The following MANBA variants were observed in gnomAD, a reference collection of about 807,000 sequenced individuals.
The protein encoded by MANBA is mannosidase beta, also known as beta-mannosidase.
A neutral mutation model predicts 111.1 loss-of-function variants in MANBA; 83 were observed. The ratio of observed to expected loss-of-function variants is 0.75; its 90% CI spans 0.63 to 0.90. The LOEUF is 0.90. Among genes scored for constraint, MANBA ranks in the 40% least tolerant of loss-of-function variants. The pLI is 0.00. For synonymous variants in MANBA, 370 were observed against 378.7 expected, an observed-to-expected ratio of 0.98 and a Z score of 0.27; for missense variants, 1,036 against 1,069.0, an observed-to-expected ratio of 0.97 and a Z score of 0.43.
At chr4:102,642,620 G>C (rs979802343) in intron 13 of MANBA, among the ~76,000 whole-genome samples, 3 of 151,828 alleles carry the variant, frequency 2.0e-5, no homozygotes, top group African/African-American at 7.3e-5. Context: ...AAGAAGAAAA[G>C]AAAAAAATGC....
At chr4:102,714,667 C>G (rs1014704010) in intron 4 of MANBA, 106 bp from the exon 5 acceptor site, 18 of 1,081,720 alleles carry the variant, frequency 1.7e-5, no homozygotes, top group Admixed American at 4.3e-5. Context: ...TATAAGTTTG[C>G]TATGGCAGCC....
intron 7 of MANBA, among the ~76,000 whole-genome samples, chr4:102,685,293 G>A (rs534994375): frequency 6.6e-6 from 1 of 152,066 alleles, no homozygotes; most frequent in African/African-American, 2.4e-5. Context: ...TTCTGTATGT[G>A]TCATATTTCA....
intron 1 of MANBA, among the ~76,000 whole-genome samples, chr4:102,737,435 C>G (rs968333982): frequency 6.6e-6 from 1 of 151,638 alleles, no homozygotes; most frequent in Non-Finnish European, 1.5e-5. Flanking sequence ...GTGAGACTGG[C>G]CTTGCTGGCT....
At chr4:102,739,388 G>A (rs1024228637) in intron 1 of MANBA, among the ~76,000 whole-genome samples, 8 of 152,136 alleles carry the variant, frequency 5.3e-5, no homozygotes, top group Admixed American at 1.3e-4. Flanking sequence ...AAGAAAGATT[G>A]GTACCAATCC....
chr4:102,759,392 A>C (rs1286889808), intron 1 of MANBA, among the ~76,000 whole-genome samples: 1 of 152,174 alleles, frequency 6.6e-6, no homozygotes, highest in Middle Eastern at 3.2e-3. Flanking sequence ...GCATTCTCAA[A>C]GCAGATATAA....
chr4:102,676,838 G>A (rs1731749236), intron 7 of MANBA, among the ~76,000 whole-genome samples: 1 of 152,122 alleles, frequency 6.6e-6, no homozygotes, highest in African/African-American at 2.4e-5. Context: ...AACACTGCTG[G>A]TGCCTTAGCA....
chr4:102,728,429 T>G (rs1390891174), intron 1 of MANBA: 6 of 469,104 alleles, frequency 1.3e-5, no homozygotes, highest in South Asian at 3.2e-5. Flanking sequence ...CATGAGTTTT[T>G]GGATGCAGAT....
chr4:102,695,079 G>C (rs1375562745), intron 5 of MANBA, among the ~76,000 whole-genome samples: 2 of 152,112 alleles, frequency 1.3e-5, no homozygotes, highest in African/African-American at 2.4e-5. Flanking sequence ...TTTGTAGAAA[G>C]GTAAACAGCT....
intron 1 of MANBA, among the ~76,000 whole-genome samples, chr4:102,754,297 CTAT>C (rs948520027): frequency 5.9e-5 from 9 of 151,912 alleles, no homozygotes; most frequent in Admixed American, 1.3e-4. Context: ...TATGAATCAG[CTAT>C]TTAACTTTTA....
At chr4:102,657,223 G>GGA (rs1560752314) in intron 12 of MANBA, among the ~76,000 whole-genome samples, 17 of 40,394 alleles carry the variant, frequency 4.2e-4, no homozygotes, top group Non-Finnish European at 8.0e-4. Flanking sequence ...GGAGTGGGGT[G>GGA]GGGGGGGGGT....
At chr4:102,697,649 T>C (rs1306207463) in intron 5 of MANBA, among the ~76,000 whole-genome samples, 2 of 149,634 alleles carry the variant, frequency 1.3e-5, no homozygotes, top group African/African-American at 4.9e-5. Flanking sequence ...AGAATGATGA[T>C]TTCCAATTTC....
At chr4:102,699,317 A>G (rs1278959354) in intron 5 of MANBA, among the ~76,000 whole-genome samples, 1 of 150,770 alleles carries the variant, frequency 6.6e-6, no homozygotes, top group African/African-American at 2.5e-5. Context: ...GGACAATTTG[A>G]CTTCCTCTTT....
chr4:102,642,593 C>CA (rs1553942483), intron 13 of MANBA, among the ~76,000 whole-genome samples: 1 of 151,976 alleles, frequency 6.6e-6, no homozygotes, highest in African/African-American at 2.4e-5. Flanking sequence ...GACAACAGAG[C>CA]GAGACTCTGT....
chr4:102,705,202 C>T (rs1026337633), intron 5 of MANBA, among the ~76,000 whole-genome samples: 9 of 152,186 alleles, frequency 5.9e-5, no homozygotes, highest in Non-Finnish European at 1.3e-4. Context: ...CAGTGGTCTA[C>T]ATTCCCATTA....
chr4:102,700,849 G>C (rs1169668375), intron 5 of MANBA, among the ~76,000 whole-genome samples: 1 of 152,224 alleles, frequency 6.6e-6, no homozygotes, highest in Non-Finnish European at 1.5e-5. Context: ...ATATAGGGTA[G>C]AGAGTTCTGT....
Position 102,677,196 on chromosome 4 carries a change from A to T in MANBA, c.961-3126T>A, listed in dbSNP as rs538711506. ...AAACGATGGTTATTCAGACTTGGAT[A>T]CCTGGCAGACATTCTCTAGAAAATG... is the stretch of plus-strand genomic sequence containing the variant. On this transcript the variant is annotated intron_variant, in intron 7 of 16. Coordinates refer to ENST00000647097, the MANE Select transcript of MANBA (RefSeq NM_005908.4). Among the ~76,000 whole-genome samples, 5 of 152,320 alleles carry T rather than the reference A, an allele frequency of 3.3e-5. No homozygotes were observed. The South Asian group carries it at 8.3e-4, about 25-fold the overall frequency.
chr4:102,713,836 C>T (rs1166654881), intron 5 of MANBA, among the ~76,000 whole-genome samples: 4 of 142,764 alleles, frequency 2.8e-5, no homozygotes, highest in Non-Finnish European at 6.0e-5. Context: ...GCAGAGGCTG[C>T]AGTGAGCCAA....
intron 8 of MANBA, 69 bp from the exon 9 acceptor site, chr4:102,671,467 T>C: frequency 1.1e-6 from 1 of 898,740 alleles, no homozygotes; most frequent in Admixed American, 1.9e-5. Flanking sequence ...GATAAACACA[T>C]TTCTAATCTG....
chr4:102,754,419 CA>C (rs1213196467), intron 1 of MANBA, among the ~76,000 whole-genome samples: 2 of 151,998 alleles, frequency 1.3e-5, no homozygotes, highest in African/African-American at 2.4e-5. Flanking sequence ...CAATAAGTAA[CA>C]GATTATAACT....
Sources: allele counts gnomAD v4.1 joint callset (sites outside exome capture counted in the v4.1 genomes callset), GRCh38; gene constraint gnomAD v4.1.1; transcripts MANE v1.5; gene names NCBI Gene and HGNC (gene_info 2026-07-23, HGNC 2026-07-21).